Variants in ATAD2B observed in about 807,000 individuals in gnomAD.
ATAD2B encodes the protein ATPase family AAA domain containing 2B.
Under a neutral mutation model 167.6 loss-of-function variants are expected in ATAD2B, and 40 were observed. That is an observed-to-expected ratio of 0.24 (90% CI 0.19 to 0.31). The LOEUF (loss-of-function observed/expected upper bound fraction) is 0.31. ATAD2B is among the 10% of genes least tolerant of loss of function. The probability of loss-of-function intolerance (pLI) is 1.00; values close to 1 mark genes in which losing one functional copy is unlikely to be tolerated. For missense variants in ATAD2B, 1,242 were observed against 1,757.2 expected (o/e 0.71, Z 5.24); for synonymous variants, 579 against 596.5 (o/e 0.97, Z 0.43).
At chr2:23,709,722 A>G in the ATAD2B span, among the ~76,000 whole-genome samples, 1 of 152,104 alleles carries the variant, frequency 6.6e-6, no homozygotes, top group Admixed American at 6.5e-5. Context: ...CTTTATGGTG[A>G]GTGGACCATA....
the ATAD2B span, chr2:23,691,472 T>C: frequency 3.3e-6 from 2 of 599,562 alleles, no homozygotes; most frequent in Non-Finnish European, 3.0e-6. Context: ...AGCAGGGTTT[T>C]CTGTTCTTTT....
At chr2:23,732,125 C>T in the ATAD2B span, among the ~76,000 whole-genome samples, 1 of 152,138 alleles carries the variant, frequency 6.6e-6, no homozygotes, top group African/African-American at 2.4e-5. Context: ...TTGAACAGCA[C>T]AGCTCTAGAT....
the ATAD2B span, among the ~76,000 whole-genome samples, chr2:23,725,880 G>C: frequency 6.6e-6 from 1 of 152,144 alleles, no homozygotes; most frequent in Non-Finnish European, 1.5e-5. Context: ...AAGTATCAGT[G>C]AGATTATGGA....
rs1339623176 is a variant in ATAD2B, at chr2:23,843,949, G to GT, written c.1569-9872dup. Among the ~76,000 whole-genome samples, 6 of 151,936 alleles carry GT rather than the reference G, an allele frequency of 3.9e-5. No individual in the cohort carries two copies. The East Asian group carries it at 1.2e-3, about 29-fold the overall frequency. ...ATCACAAATCTTTGTTTTTGTTTTTGTTTTTTTGAGACAGAGTCTCACTCT... is the reference window on the plus strand; with the variant it reads ...ATCACAAATCTTTGTTTTTGTTTTTGTTTTTTTTGAGACAGAGTCTCACTCT... On this transcript the variant is annotated intron_variant, in intron 13 of 27. Transcript: ENST00000238789.
In ATAD2B at chr2:23,775,206, TA is replaced by T. The variant is rs1458874376; in HGVS notation, c.3133+7662del. On this transcript the variant is annotated intron_variant, in intron 22 of 27. Transcript: ENST00000238789. Reference sequence around the variant, plus strand: ...CCTGAAGGGTAGGTAAATTTTATTTTATTTTTTTATGTTTTATTTTTTTTTT... The same window carrying T: ...CCTGAAGGGTAGGTAAATTTTATTTTTTTTTTTATGTTTTATTTTTTTTTT... Among the ~76,000 whole-genome samples, 4 of 151,422 alleles carry T rather than the reference TA, an allele frequency of 2.6e-5. No individual in the cohort carries two copies. In the South Asian group the frequency reaches 8.3e-4, roughly 32 times the overall value.
chr2:23,788,252 C>A, intron 20 of ATAD2B: 2 of 381,632 alleles, frequency 5.2e-6, no homozygotes, highest in Non-Finnish European at 9.6e-6. Context: ...ACTTTTTGAG[C>A]CCCATAATGT....
chr2:23,841,741 C>A (rs1474121172), intron 13 of ATAD2B, among the ~76,000 whole-genome samples: 1 of 152,170 alleles, frequency 6.6e-6, no homozygotes, highest in African/African-American at 2.4e-5. Flanking sequence ...ATCTCAAACT[C>A]CTAGGCTCAA....
At chr2:23,918,653 G>A (rs574830211) in intron 1 of ATAD2B, among the ~76,000 whole-genome samples, 2 of 152,142 alleles carry the variant, frequency 1.3e-5, no homozygotes, top group African/African-American at 4.8e-5. Flanking sequence ...ATTCCAGATA[G>A]GCAGGTAAAA....
At chr2:23,817,376 T>C (rs1054290962) in intron 17 of ATAD2B, among the ~76,000 whole-genome samples, 1 of 152,206 alleles carries the variant, frequency 6.6e-6, no homozygotes, top group African/African-American at 2.4e-5. Context: ...TATATATTAC[T>C]GAATATGAAG....
chr2:23,696,592 A>C, the ATAD2B span: 1 of 1,161,432 alleles, frequency 8.6e-7, no homozygotes, highest in Non-Finnish European at 1.2e-6. The surrounding 1 kb of genome is among the most constrained non-coding windows in gnomAD (Gnocchi z 5.5). Flanking sequence ...TGTACCTCCC[A>C]ACACCCACTC....
chr2:23,757,191 G>A (rs776531982), intron 25 of ATAD2B, among the ~76,000 whole-genome samples: 4 of 152,122 alleles, frequency 2.6e-5, no homozygotes, highest in Admixed American at 6.6e-5. Context: ...CAATGCACTC[G>A]AAACGATACA....
At chr2:23,684,905 A>G in the ATAD2B span, among the ~76,000 whole-genome samples, 2 of 151,934 alleles carry the variant, frequency 1.3e-5, no homozygotes, top group Admixed American at 1.3e-4. The surrounding 1 kb of genome is among the most constrained non-coding windows in gnomAD (Gnocchi z 4.4). Flanking sequence ...ATCACTACAC[A>G]CTGCCCCCAC....
At chr2:23,717,214 G>A in the ATAD2B span, among the ~76,000 whole-genome samples, 3 of 152,256 alleles carry the variant, frequency 2.0e-5, no homozygotes, top group Admixed American at 1.3e-4. Flanking sequence ...GAAGAAAGTA[G>A]AGAAAAGTAA....
At chr2:23,802,251 T>G (rs2149481147) in intron 18 of ATAD2B, among the ~76,000 whole-genome samples, 1 of 152,204 alleles carries the variant, frequency 6.6e-6, no homozygotes, top group East Asian at 1.9e-4. Context: ...AGTTTAATTC[T>G]TTGTGCCATG....
intron 7 of ATAD2B, among the ~76,000 whole-genome samples, chr2:23,879,049 C>T (rs1401763727): frequency 1.3e-5 from 2 of 152,186 alleles, no homozygotes; most frequent in Admixed American, 1.3e-4. Flanking sequence ...AGCTCTCATA[C>T]ACTCTTAGTG....
rs1039932810 is a variant in ATAD2B, at chr2:23,891,154, G to A, written c.369-2755C>T. Reference sequence around the variant, plus strand: ...TCTCATCTCAGCCTCCCGAGTAGCTGGGATTACAGGCACCCGCCATCATGC... The same window carrying A: ...TCTCATCTCAGCCTCCCGAGTAGCTAGGATTACAGGCACCCGCCATCATGC... On this transcript the variant is annotated intron_variant, in intron 2 of 27. Coordinates refer to ENST00000238789, the MANE Select transcript of ATAD2B (RefSeq NM_017552.4). Among the ~76,000 whole-genome samples, 4 of 151,672 alleles carry A rather than the reference G, an allele frequency of 2.6e-5. 1 individual carries two copies. The highest frequency in any genetic ancestry group is 4.2e-4 in the South Asian group (2 of 4,790).
At chr2:23,740,806 T>C in the ATAD2B span, among the ~76,000 whole-genome samples, 2 of 152,144 alleles carry the variant, frequency 1.3e-5, no homozygotes. Flanking sequence ...GAAAACCCCA[T>C]CGTCTCAGCC....
chr2:23,786,770 A>C (rs1176969197), intron 20 of ATAD2B, among the ~76,000 whole-genome samples: 3 of 152,224 alleles, frequency 2.0e-5, no homozygotes, highest in Admixed American at 6.5e-5. Context: ...AAACAAAATA[A>C]TTTGATTTTG....
At chr2:23,681,271 A>G in the ATAD2B span, among the ~76,000 whole-genome samples, 1 of 152,256 alleles carries the variant, frequency 6.6e-6, no homozygotes, top group African/African-American at 2.4e-5. This position sits in a 1 kb window ranked among gnomAD's most constrained non-coding sequence, Gnocchi z 4.2. Context: ...CTGAAAGTGA[A>G]TAATCTTCCC....
Sources: gnomAD v4.1 joint callset for allele counts (sites outside exome capture counted in the v4.1 genomes callset) on GRCh38, gnomAD v4.1.1 for gene constraint, Gnocchi (gnomAD v3.1) non-coding constraint, MANE v1.5 for transcripts, NCBI Gene and HGNC (gene_info 2026-07-23, HGNC 2026-07-21) for gene names.